Variants in CACNA1E observed in about 807,000 individuals in gnomAD.
The protein encoded by CACNA1E is voltage-dependent R-type calcium channel subunit alpha-1E.
A neutral mutation model predicts 259.2 loss-of-function variants in CACNA1E; 40 were observed. That is an observed-to-expected ratio of 0.15 (90% CI 0.12 to 0.20). The LOEUF is 0.20. CACNA1E is among the 10% of genes least tolerant of loss of function. The pLI is 1.00. For missense variants in CACNA1E, 1,874 were observed against 3,040.1 expected, an observed-to-expected ratio of 0.62 and a Z score of 9.02; for synonymous variants, 1,104 against 1,138.5, an observed-to-expected ratio of 0.97 and a Z score of 0.61.
At chr1:181,572,586 C>T (rs964486637) in intron 3 of CACNA1E, among the ~76,000 whole-genome samples, 1 of 152,172 alleles carries the variant, frequency 6.6e-6, no homozygotes, top group African/African-American at 2.4e-5. Context: ...CAGAGCTTTC[C>T]ACCGGGCTGT....
intron 1 of CACNA1E, among the ~76,000 whole-genome samples, chr1:181,363,508 G>A (rs200843191): frequency 6.6e-6 from 1 of 152,188 alleles, no homozygotes; most frequent in Non-Finnish European, 1.5e-5. Flanking sequence ...ACAGAGGTAA[G>A]GGACTAGAGG....
At chr1:181,746,284 A>G (rs1440821692) in intron 25 of CACNA1E, among the ~76,000 whole-genome samples, 1 of 152,222 alleles carries the variant, frequency 6.6e-6, no homozygotes, top group Non-Finnish European at 1.5e-5. Context: ...AAACTTCCCC[A>G]TGGGGTCTTT....
intron 1 of CACNA1E, among the ~76,000 whole-genome samples, chr1:181,369,369 C>G (rs1355933691): frequency 1.3e-5 from 2 of 152,212 alleles, no homozygotes; most frequent in Non-Finnish European, 2.9e-5. Flanking sequence ...AAACGAATGT[C>G]TGTGGTGTCA....
Position 181,794,926 on chromosome 1 carries a change from T to TTCC in CACNA1E, c.6093_6095dup (p.Ser2032dup), listed in dbSNP as rs1376917926. On this transcript the variant is annotated inframe_insertion, in exon 46 of 48. Transcript: ENST00000367573. ...CCACTATTCGGGATAAGCGTTCAAATTCCTCGTGGTTGGAGGAATTCTCCA... is the reference window on the plus strand; with the variant it reads ...CCACTATTCGGGATAAGCGTTCAAATTCCTCCTCGTGGTTGGAGGAATTCTCCA... The TTCC allele has an allele frequency of 6.2e-7, 1 of 1,613,912 alleles. No homozygotes were observed. Among genetic ancestry groups the TTCC allele is most frequent in the Non-Finnish European group, 8.5e-7 (1 of 1,179,822 alleles).
intron 1 of CACNA1E, among the ~76,000 whole-genome samples, chr1:181,337,339 T>G (rs1651793888): frequency 6.6e-6 from 1 of 151,754 alleles, no homozygotes; most frequent in Non-Finnish European, 1.5e-5. Flanking sequence ...GTATTTTTTT[T>G]TAGTAGAGGC....
chr1:181,692,637 T>C (rs984215850), intron 7 of CACNA1E, among the ~76,000 whole-genome samples: 9 of 152,156 alleles, frequency 5.9e-5, no homozygotes, highest in African/African-American at 1.7e-4. Context: ...CCTCTCAATA[T>C]ATGCAAACAT....
At chr1:181,788,574 G>A (rs988399787) in intron 43 of CACNA1E, among the ~76,000 whole-genome samples, 2 of 152,134 alleles carry the variant, frequency 1.3e-5, no homozygotes, top group African/African-American at 2.4e-5. Flanking sequence ...CTAAAATCTC[G>A]AGGCAGAAAC....
chr1:181,451,012 G>T (rs1661121648), intron 2 of CACNA1E, among the ~76,000 whole-genome samples: 1 of 152,230 alleles, frequency 6.6e-6, no homozygotes, highest in African/African-American at 2.4e-5. Flanking sequence ...CAACTGGATG[G>T]TGATAGTGGA....
chr1:181,374,780 A>T (rs951160395), intron 1 of CACNA1E, among the ~76,000 whole-genome samples: 2 of 152,136 alleles, frequency 1.3e-5, no homozygotes, highest in Admixed American at 1.3e-4. Flanking sequence ...AAACTGTTTT[A>T]AGTCAGCAGG....
intron 3 of CACNA1E, among the ~76,000 whole-genome samples, chr1:181,561,326 A>G (rs984410253): frequency 8.5e-5 from 13 of 152,190 alleles, no homozygotes; most frequent in African/African-American, 3.1e-4. Context: ...ATTTAGCAAA[A>G]TCCATTCTTC....
At chr1:181,705,135 G>A (rs552952558) in intron 7 of CACNA1E, among the ~76,000 whole-genome samples, 2 of 152,192 alleles carry the variant, frequency 1.3e-5, no homozygotes, top group Non-Finnish European at 2.9e-5. Flanking sequence ...TTTGTGATTT[G>A]TCTGTAGCAG....
At chr1:181,384,307 T>C (rs927255233) in intron 1 of CACNA1E, among the ~76,000 whole-genome samples, 3 of 152,220 alleles carry the variant, frequency 2.0e-5, no homozygotes, top group African/African-American at 7.2e-5. Flanking sequence ...ACATCTCAGC[T>C]GGATACCAAC....
chr1:181,745,725 G>A (rs1302001835), intron 25 of CACNA1E, among the ~76,000 whole-genome samples: 2 of 152,096 alleles, frequency 1.3e-5, no homozygotes. Context: ...AAGTGTATTG[G>A]GTGGACTTCC....
intron 42 of CACNA1E, 92 bp from the exon 43 acceptor site, chr1:181,785,621 G>A: frequency 3.2e-6 from 3 of 939,688 alleles, no homozygotes; most frequent in Non-Finnish European, 5.2e-6. Flanking sequence ...GATAAGTTAT[G>A]TGCCTGTATT....
intron 9 of CACNA1E, 73 bp from the exon 10 acceptor site, chr1:181,715,967 T>C: frequency 6.2e-6 from 6 of 975,330 alleles, no homozygotes; most frequent in Non-Finnish European, 9.6e-6. Flanking sequence ...TTGCCTGCAT[T>C]CCTCAAAATT....
intron 1 of CACNA1E, among the ~76,000 whole-genome samples, chr1:181,385,646 A>G (rs754976335): frequency 4.6e-5 from 7 of 152,058 alleles, no homozygotes; most frequent in Non-Finnish European, 1.0e-4. Flanking sequence ...CCTGTTTCCT[A>G]AGGCAGGGAC....
Position 181,806,047 on chromosome 1 carries a change from C to T in CACNA1E, c.*7213C>T, listed in dbSNP as rs896329445. On this transcript the variant is annotated 3_prime_UTR_variant, in exon 48 of 48. Transcript: ENST00000367573. ...TCACCTAGGGTAGTGGCTTTGAAGG[C>T]CTCAGAGGATTAATAGATTCCCAAA... is the stretch of plus-strand genomic sequence containing the variant. The T allele has an allele frequency of 1.3e-5, 2 of 152,154 alleles. No individual in the cohort carries two copies. Among genetic ancestry groups the T allele is most frequent in the Admixed American group, 1.3e-4 (2 of 15,280 alleles). The allele number at this position is 152,154 out of a possible 1,614,324, so 9.4% of individuals were successfully genotyped here.
At chr1:181,520,596 A>G (rs1278450943) in intron 3 of CACNA1E, among the ~76,000 whole-genome samples, 2 of 152,212 alleles carry the variant, frequency 1.3e-5, no homozygotes, top group Non-Finnish European at 2.9e-5. Context: ...AAACTATGGT[A>G]AATTTAAAAT....
chr1:181,699,035 G>A (rs1651975964), intron 7 of CACNA1E, among the ~76,000 whole-genome samples: 1 of 152,180 alleles, frequency 6.6e-6, no homozygotes, highest in Non-Finnish European at 1.5e-5. Flanking sequence ...GAGTGTCAAA[G>A]AATAGGTGTA....
Sources: allele counts gnomAD v4.1 joint callset (sites outside exome capture counted in the v4.1 genomes callset), GRCh38; gene constraint gnomAD v4.1.1; transcripts MANE v1.5; gene names NCBI Gene and HGNC (gene_info 2026-07-23, HGNC 2026-07-21).